Variants in MAB21L4 observed in about 807,000 individuals in gnomAD.
MAB21L4 encodes the protein protein mab-21-like 4.
A neutral mutation model predicts 32.4 loss-of-function variants in MAB21L4; 25 were observed. The ratio of observed to expected loss-of-function variants is 0.77; its 90% CI spans 0.56 to 1.08. The LOEUF is 1.08. MAB21L4 is among the 50% of genes least tolerant of loss of function. The pLI is 0.00. For synonymous variants in MAB21L4, 280 were observed against 276.8 expected (o/e 1.01, Z -0.11); for missense variants, 638 against 611.0 (o/e 1.04, Z -0.47).
chr2:240,888,481 G>T lies in MAB21L4; in HGVS notation c.1062C>A (p.Asp354Glu), dbSNP rs377668116. ...CCACGCGCTGGTAGATGGCACCAAG[G>T]TCCAGGCCGCTGCCCTGCAGCAGGT... ...QRNLLQGSGLDLGAIYQRVEG... is the reference protein window; with the variant it reads ...QRNLLQGSGLELGAIYQRVEG... Residue 354 changes from aspartate to glutamate, a missense_variant, in exon 4 of 5, where the codon GAC becomes GAA. By Grantham distance (45) the Asp-to-Glu change is conservative. Coordinates refer to ENST00000388934, the MANE Select transcript of MAB21L4 (RefSeq NM_001085437.3). The T allele has an allele frequency of 2.1e-5, 33 of 1,601,156 alleles. No homozygotes were observed. Among genetic ancestry groups the T allele is most frequent in the South Asian group, 1.4e-4 (13 of 89,932 alleles).
intron 1 of MAB21L4, among the ~76,000 whole-genome samples, chr2:240,892,303 C>A (rs1195095788): frequency 2.0e-5 from 3 of 152,144 alleles, no homozygotes; most frequent in Admixed American, 6.5e-5. Flanking sequence ...GAGGGTGGAG[C>A]GAAGCTAGGC....
upstream of MAB21L4, among the ~76,000 whole-genome samples, chr2:240,896,324 G>A (rs1052164473): frequency 3.9e-5 from 6 of 152,198 alleles, no homozygotes; most frequent in East Asian, 3.8e-4. Context: ...CCCAAGGCAC[G>A]GCCCCTGTCC....
At chr2:240,890,280 G>T in intron 2 of MAB21L4, 122 bp from the exon 3 acceptor site, 1 of 1,218,414 alleles carries the variant, frequency 8.2e-7, no homozygotes, top group Non-Finnish European at 1.1e-6. Context: ...TCTGCTGGTG[G>T]GACCCAGCCG....
rs576124827 is a variant in MAB21L4, at chr2:240,888,168, G to C, written c.1251+124C>G. 77 of 781,190 alleles carry C rather than the reference G, an allele frequency of 9.9e-5. No homozygotes were observed. In the African/African-American group the frequency reaches 1.3e-3, roughly 13 times the overall value. 48.4% of individuals were successfully genotyped at this position (781,190 alleles called of 1,614,324 possible). A position where few individuals can be genotyped will look rare whatever the true frequency, so the allele number is the denominator to read the frequency against. On this transcript the variant is annotated intron_variant, in intron 4 of 4. Transcript: ENST00000388934. ...CGCAGACGCTCTCCATCCGAGCCCT[G>C]ACCTGGCCTCAGCATTCCTGGGGCT...
chr2:240,896,009 T>C lies in MAB21L4; in HGVS notation c.-12A>G, dbSNP rs758087208. The C allele has an allele frequency of 4.2e-6, 6 of 1,433,508 alleles. No individual in the cohort carries two copies. In the Admixed American group the frequency reaches 8.7e-5, roughly 21 times the overall value. The allele number at this position is 1,433,508 out of a possible 1,614,324, so 88.8% of individuals were successfully genotyped here. ...GCAGGGGCAGGCATCCCTTCAACAGTGGCAGGTGAGGGCCAGTGGCCCCTG... is the reference window on the plus strand; with the variant it reads ...GCAGGGGCAGGCATCCCTTCAACAGCGGCAGGTGAGGGCCAGTGGCCCCTG... On this transcript the variant is annotated 5_prime_UTR_variant, in exon 1 of 5. Transcript: ENST00000388934.
rs1352606799 is a variant in MAB21L4, at chr2:240,896,029, C to A, written c.-32G>T. The A allele has an allele frequency of 2.8e-6, 4 of 1,422,954 alleles. No individual in the cohort carries two copies. Among genetic ancestry groups the A allele is most frequent in the South Asian group, 1.5e-5 (1 of 65,310 alleles). The allele number at this position is 1,422,954 out of a possible 1,614,324, so 88.1% of individuals were successfully genotyped here. ...AACAGTGGCAGGTGAGGGCCAGTGG[C>A]CCCTGAGGAGGACTCCGCAGGCCAG... is the stretch of plus-strand genomic sequence containing the variant. On this transcript the variant is annotated 5_prime_UTR_variant, in exon 1 of 5. Transcript: ENST00000388934.
intron 1 of MAB21L4, chr2:240,891,979 T>A: frequency 6.5e-7 from 1 of 1,536,392 alleles, no homozygotes. Context: ...CCACCATGCC[T>A]GCCCAATGGT....
Position 240,895,548 on chromosome 2 carries a change from A to G in MAB21L4, c.450T>C (p.Cys150=). The change falls in exon 1 of 5, where the codon TGT becomes TGC. Residue 150 remains cysteine (C), a synonymous_variant. Coordinates refer to ENST00000388934, the MANE Select transcript of MAB21L4 (RefSeq NM_001085437.3). ...RGHIVPSKVL[C]VLKDLLVAAI... ...CTGCTACCAGCAGGTCCTTGAGGAC[A>G]CACAGGACCTTGCTGGGCACAATGT... 1 of 1,609,348 alleles carries G rather than the reference A, an allele frequency of 6.2e-7. No individual in the cohort carries two copies. Among genetic ancestry groups the G allele is most frequent in the Non-Finnish European group, 8.5e-7 (1 of 1,178,130 alleles).
At chr2:240,888,708 A>G (rs1447349271) in intron 3 of MAB21L4, 60 bp from the exon 4 acceptor site, 76 of 1,099,514 alleles carry the variant, frequency 6.9e-5, no homozygotes, top group Non-Finnish European at 8.1e-5. Context: ...CTGTGCTCCC[A>G]CCCTGCGCTC....
rs1186196200 is a variant in MAB21L4 at position 240,886,651 on chromosome 2, A to C, written c.*419T>G. The C allele has an allele frequency of 6.3e-6, 1 of 158,286 alleles. No homozygotes were observed. Among genetic ancestry groups the C allele is most frequent in the African/African-American group, 2.4e-5 (1 of 41,732 alleles). The allele number at this position is 158,286 out of a possible 1,614,324, so 9.8% of individuals were successfully genotyped here. On this transcript the variant is annotated 3_prime_UTR_variant, in exon 5 of 5. Transcript: ENST00000388934. Reference sequence around the variant, plus strand: ...ATATTTTCCACACTGATATACAAAAAGTGGACAGTACCCTTTCTGCTGTGT... The same window carrying C: ...ATATTTTCCACACTGATATACAAAACGTGGACAGTACCCTTTCTGCTGTGT...
In MAB21L4 at chr2:240,896,086, C is replaced by T. The variant is rs1019476529; in HGVS notation, c.-89G>A. 1 of 1,375,786 alleles carries T rather than the reference C, an allele frequency of 7.3e-7. No individual in the cohort carries two copies. Among genetic ancestry groups the T allele is most frequent in the African/African-American group, 1.5e-5 (1 of 64,902 alleles). The allele number at this position is 1,375,786 out of a possible 1,614,324, so 85.2% of individuals were successfully genotyped here. A position where few individuals can be genotyped will look rare whatever the true frequency, so the allele number is the denominator to read the frequency against. ...AGATGGGCTGTGAGGAGGCACCTGC[C>T]CAGGTGAGCAGCAGGTCTGCAGGTG... On this transcript the variant is annotated 5_prime_UTR_variant, in exon 1 of 5. Transcript: ENST00000388934.
rs759975976 is a variant in MAB21L4 at position 240,895,832 on chromosome 2, G to A, written c.166C>T (p.Arg56Cys). 110 of 1,585,966 alleles carry A rather than the reference G, an allele frequency of 6.9e-5. No homozygotes were observed. The highest frequency in any genetic ancestry group is 4.0e-4 in the Admixed American group (23 of 57,986). The part of the protein sequence containing the change: ...VLERVHALDP[R>C]FIVDYSRGLE... ...CCACGGGAGTAGTCCACGATGAAGC[G>A]GGGGTCCAGGGCATGCACGCGCTCC... The change falls in exon 1 of 5, where the codon CGC becomes TGC. Residue 56 changes from arginine to cysteine, a missense_variant. By Grantham distance (180) the Arg-to-Cys change is radical (BLOSUM62 -3). Transcript: ENST00000388934.
intron 1 of MAB21L4, among the ~76,000 whole-genome samples, chr2:240,893,524 T>C (rs10933512): frequency 0.54 from 82,183 of 152,186 alleles, 23,366 homozygotes; most frequent in African/African-American, 0.73. Context: ...GGAAGGCAGC[T>C]GCAACTGCAC....
At chr2:240,893,163 T>C (rs1238609557) in intron 1 of MAB21L4, among the ~76,000 whole-genome samples, 1 of 152,206 alleles carries the variant, frequency 6.6e-6, no homozygotes, top group Non-Finnish European at 1.5e-5. Context: ...AATCCTGGCA[T>C]GTGCCTTGGG....
At position 240,895,574 on chromosome 2, in the gene MAB21L4, G is replaced by A; in HGVS notation, c.424C>T (p.His142Tyr). 1 of 1,612,374 alleles carries A rather than the reference G, an allele frequency of 6.2e-7. No homozygotes were observed. Residue 142 changes from histidine to tyrosine, a missense_variant, in exon 1 of 5, where the codon CAC (histidine) becomes TAC (tyrosine). Coordinates refer to ENST00000388934, the MANE Select transcript of MAB21L4 (RefSeq NM_001085437.3). ...CACAGGACCTTGCTGGGCACAATGT[G>A]TCCACGGCACTTGGCGTCACCCTCC... ...SSEGDAKCRGHIVPSKVLCVL... is the reference protein window; with the variant it reads ...SSEGDAKCRGYIVPSKVLCVL...
Position 240,895,798 on chromosome 2 carries a change from G to A in MAB21L4, c.200C>T (p.Ala67Val). ...FIVDYSRGLE[A>V]FQFALRSSED... The stretch of plus-strand genomic sequence containing the variant: ...AGAGGAGCGCAGGGCGAACTGGAAG[G>A]CCTCCAGGCCACGGGAGTAGTCCAC... The change falls in exon 1 of 5, where the codon GCC becomes GTC. Residue 67 changes from alanine to valine, a missense_variant. Ala to Val is a moderately conservative substitution (Grantham distance 64). Coordinates refer to ENST00000388934, the MANE Select transcript of MAB21L4 (RefSeq NM_001085437.3). 22 of 1,604,384 alleles carry A rather than the reference G, an allele frequency of 1.4e-5. No homozygotes were observed. Among genetic ancestry groups the A allele is most frequent in the Non-Finnish European group, 1.6e-5 (19 of 1,174,090 alleles).
intron 1 of MAB21L4, among the ~76,000 whole-genome samples, chr2:240,893,450 CTAGTGG>C (rs2059166721): frequency 6.6e-6 from 1 of 152,248 alleles, no homozygotes; most frequent in Admixed American, 6.5e-5. Context: ...AGAGCCGCCT[CTAGTGG>C]CCACACACCT....
At chr2:240,891,486 G>A (rs1175819236) in intron 2 of MAB21L4, 52 bp downstream of exon 2, 2 of 1,476,410 alleles carry the variant, frequency 1.4e-6, no homozygotes, top group African/African-American at 1.4e-5. Flanking sequence ...GGGGGCAGTG[G>A]CCCCTTCCTG....
At chr2:240,890,899 C>T (rs1312589237) in intron 2 of MAB21L4, among the ~76,000 whole-genome samples, 1 of 152,268 alleles carries the variant, frequency 6.6e-6, no homozygotes, top group East Asian at 1.9e-4. Context: ...GGGCAGGTGA[C>T]TGGCGCTCCG....
Sources: allele counts gnomAD v4.1 joint callset (sites outside exome capture counted in the v4.1 genomes callset), GRCh38; gene constraint gnomAD v4.1.1; transcripts MANE v1.5; gene names NCBI Gene and HGNC (gene_info 2026-07-23, HGNC 2026-07-21).